SAMD5: variants seen among roughly 807,000 people sequenced by gnomAD.
SAMD5 encodes sterile alpha motif domain-containing protein 5.
A neutral mutation model predicts 11.3 loss-of-function variants in SAMD5; 13 were observed. The ratio of observed to expected loss-of-function variants is 1.15; its 90% CI spans 0.75 to 1.83. The LOEUF is 1.83. Ranked by LOEUF, SAMD5 falls within the 40% of genes most tolerant of loss-of-function variation. The pLI, the probability that SAMD5 is intolerant of heterozygous loss-of-function variation, is 0.00. For missense variants in SAMD5, 255 were observed against 239.1 expected, an observed-to-expected ratio of 1.07 and a Z score of -0.44; for synonymous variants, 129 against 111.3, an observed-to-expected ratio of 1.16 and a Z score of -1.00.
intron 1 of SAMD5, among the ~76,000 whole-genome samples, chr6:147,610,361 C>T (rs375937181): frequency 2.0e-4 from 31 of 152,142 alleles, no homozygotes; most frequent in East Asian, 1.5e-3. Context: ...AAGACATGAC[C>T]GGTGTTGGTG....
the SAMD5 span, among the ~76,000 whole-genome samples, chr6:147,777,949 T>G: frequency 6.6e-6 from 1 of 152,208 alleles, no homozygotes; most frequent in Non-Finnish European, 1.5e-5. Context: ...TTTTGGCTAT[T>G]GTTAATAATG....
chr6:147,786,226 A>G, the SAMD5 span, among the ~76,000 whole-genome samples: 2 of 152,196 alleles, frequency 1.3e-5, no homozygotes, highest in East Asian at 1.9e-4. Flanking sequence ...TATGACCTTT[A>G]TATCAACTAA....
At chr6:147,531,647 T>C (rs1196767822) in intron 1 of SAMD5, among the ~76,000 whole-genome samples, 1 of 152,200 alleles carries the variant, frequency 6.6e-6, no homozygotes, top group Non-Finnish European at 1.5e-5. Flanking sequence ...TACTCATTAT[T>C]GCAACTGTAG....
intron 1 of SAMD5, among the ~76,000 whole-genome samples, chr6:147,629,127 C>T (rs1370977819): frequency 6.6e-6 from 1 of 151,550 alleles, no homozygotes; most frequent in Non-Finnish European, 1.5e-5. Flanking sequence ...CCCGTCTCTA[C>T]TAAAAATACA....
chr6:147,575,586 A>G (rs1789206215), intron 1 of SAMD5, among the ~76,000 whole-genome samples: 2 of 152,262 alleles, frequency 1.3e-5, no homozygotes, highest in African/African-American at 4.8e-5. Flanking sequence ...GTGCATTCAA[A>G]TCAATGAAAT....
In SAMD5 at chr6:147,670,004, G is replaced by A. The variant is rs1294221624; in HGVS notation, c.163-67313G>A. On this transcript the variant is annotated intron_variant, in intron 1 of 1. Transcript: ENST00000566741. Reference sequence around the variant, plus strand: ...TTTGGAAGCTACCACCTTACGAAATGTGTTTCTTAAATAAGACTTGAAAGT... The same window carrying A: ...TTTGGAAGCTACCACCTTACGAAATATGTTTCTTAAATAAGACTTGAAAGT... Among the ~76,000 whole-genome samples the A allele has an allele frequency of 7.2e-5, 11 of 152,156 alleles. No homozygotes were observed. The South Asian group carries it at 2.3e-3, about 32-fold the overall frequency.
the SAMD5 span, among the ~76,000 whole-genome samples, chr6:147,877,109 A>G: frequency 6.6e-6 from 1 of 152,190 alleles, no homozygotes; most frequent in South Asian, 2.1e-4. Flanking sequence ...TAAGGATATT[A>G]ATAGATCTTA....
At chr6:147,516,100 A>G (rs1265590653) in intron 1 of SAMD5, among the ~76,000 whole-genome samples, 1 of 152,142 alleles carries the variant, frequency 6.6e-6, no homozygotes, top group Non-Finnish European at 1.5e-5. Flanking sequence ...GCTGACCACC[A>G]TTAACAAAAT....
chr6:147,895,188 A>G, the SAMD5 span, among the ~76,000 whole-genome samples: 2 of 152,210 alleles, frequency 1.3e-5, no homozygotes, highest in Admixed American at 6.5e-5. Context: ...CTGAAATGCT[A>G]TCTTTAATGT....
Position 147,713,571 on chromosome 6 carries a change from A to G in SAMD5, c.163-23746A>G, listed in dbSNP as rs560807582. On this transcript the variant is annotated intron_variant, in intron 1 of 1. Coordinates refer to the SAMD5 transcript ENST00000566741. ...GAATGACCCTGTATCATGAAATCTCATGCATAAGCTGTAGGAGCAGGAAAA... is the reference window on the plus strand; with the variant it reads ...GAATGACCCTGTATCATGAAATCTCGTGCATAAGCTGTAGGAGCAGGAAAA... 1.2e-4 allele frequency among the ~76,000 whole-genome samples: 19 copies of G among 152,304 alleles called. No homozygotes were observed. The East Asian group carries it at 2.5e-3, about 20-fold the overall frequency.
intron 1 of SAMD5, among the ~76,000 whole-genome samples, chr6:147,640,497 C>CAAAAA (rs1172694444): frequency 0.15 from 3,518 of 24,170 alleles, 933 homozygotes; most frequent in South Asian, 0.28. Flanking sequence ...GACTCTGTCG[C>CAAAAA]AAAAAAAAAA....
chr6:147,654,432 A>C (rs1790535798), intron 1 of SAMD5, among the ~76,000 whole-genome samples: 1 of 152,174 alleles, frequency 6.6e-6, no homozygotes, highest in Non-Finnish European at 1.5e-5. Flanking sequence ...TTGGAAGTGA[A>C]GAAGAGAATG....
At chr6:147,784,983 T>C in the SAMD5 span, among the ~76,000 whole-genome samples, 10 of 152,186 alleles carry the variant, frequency 6.6e-5, no homozygotes, top group African/African-American at 2.4e-4. Flanking sequence ...AATATATTTG[T>C]TATTTTAAAT....
At chr6:147,678,067 G>T (rs1790890305) in intron 1 of SAMD5, among the ~76,000 whole-genome samples, 1 of 152,084 alleles carries the variant, frequency 6.6e-6, no homozygotes, top group Admixed American at 6.6e-5. Context: ...GTAATTTATG[G>T]TAAATTATCA....
the SAMD5 span, among the ~76,000 whole-genome samples, chr6:147,811,629 G>C: frequency 1.8e-3 from 267 of 152,270 alleles, no homozygotes; most frequent in African/African-American, 6.0e-3. Context: ...ATGGCCACGA[G>C]AGTGCCAGAG....
intron 1 of SAMD5, among the ~76,000 whole-genome samples, chr6:147,614,413 G>A (rs1018723278): frequency 2.6e-5 from 4 of 151,430 alleles, no homozygotes; most frequent in Non-Finnish European, 5.9e-5. Context: ...AGGTTGCAGT[G>A]AGCTGAGATT....
chr6:147,951,526 C>T, the SAMD5 span, among the ~76,000 whole-genome samples: 17 of 152,272 alleles, frequency 1.1e-4, no homozygotes, highest in African/African-American at 3.8e-4. Context: ...CACAAATGAG[C>T]AACTCAAGTA....
At chr6:147,900,580 C>G in the SAMD5 span, among the ~76,000 whole-genome samples, 1 of 152,050 alleles carries the variant, frequency 6.6e-6, no homozygotes, top group Non-Finnish European at 1.5e-5. Flanking sequence ...GCTCACCTGC[C>G]GAGGAGGAAT....
the SAMD5 span, among the ~76,000 whole-genome samples, chr6:147,856,887 G>A: frequency 1.3e-5 from 2 of 151,616 alleles, no homozygotes; most frequent in Non-Finnish European, 2.9e-5. Flanking sequence ...TTTTTTAGTA[G>A]CAAAAAATGT....
Sources: gnomAD v4.1 joint callset for allele counts (sites outside exome capture counted in the v4.1 genomes callset) on GRCh38, gnomAD v4.1.1 for gene constraint, MANE v1.5 for transcripts, NCBI Gene and HGNC (gene_info 2026-07-23, HGNC 2026-07-21) for gene names.